The following TSPAN10 variants were observed in gnomAD, a reference collection of about 807,000 sequenced individuals.
TSPAN10 encodes tetraspanin 10, also known as tetraspanin-10.
Under a neutral mutation model 15.0 loss-of-function variants are expected in TSPAN10, and 11 were observed. The ratio of observed to expected loss-of-function variants is 0.73; its 90% CI spans 0.46 to 1.21. The LOEUF (loss-of-function observed/expected upper bound fraction) is 1.21, where lower values mean the gene tolerates loss of function less well. Among genes scored for constraint, TSPAN10 ranks in the 50% most tolerant of loss-of-function variants. The pLI is 0.00. For missense variants in TSPAN10, 486 were observed against 470.6 expected (o/e 1.03, Z -0.30); for synonymous variants, 241 against 226.2 (o/e 1.07, Z -0.59).
intron 2 of TSPAN10, chr17:81,647,432 C>G (rs942590272): frequency 2.4e-5 from 11 of 459,548 alleles, no homozygotes; most frequent in Non-Finnish European, 4.8e-5. Flanking sequence ...GCTCCTCCCC[C>G]ACCCCTGCTT....
intron 2 of TSPAN10, 109 bp downstream of exon 3, chr17:81,645,738 C>A: frequency 7.3e-7 from 1 of 1,377,854 alleles, no homozygotes; most frequent in Non-Finnish European, 1.0e-6. Context: ...TTCGTGCATG[C>A]CCACATGCAT....
chr17:81,637,462 T>A (rs1023781125), upstream of TSPAN10: 6 of 655,508 alleles, frequency 9.2e-6, no homozygotes, highest in East Asian at 2.8e-5. Context: ...TTTTTTTTTT[T>A]AAGTATTTTT....
intron 1 of TSPAN10, among the ~76,000 whole-genome samples, chr17:81,644,248 C>CT (rs1200253346): frequency 1.3e-5 from 2 of 152,156 alleles, no homozygotes; most frequent in Non-Finnish European, 2.9e-5. Context: ...ACCAGCAAGC[C>CT]TTTCCTGCCA....
At chr17:81,644,589 C>T (rs1026822177) in intron 1 of TSPAN10, among the ~76,000 whole-genome samples, 8 of 152,162 alleles carry the variant, frequency 5.3e-5, no homozygotes, top group Non-Finnish European at 8.8e-5. Context: ...ACTCTGGGGA[C>T]GCAGCCCCGC....
chr17:81,638,593 C>T (rs932550586), upstream of TSPAN10: 3 of 152,214 alleles, frequency 2.0e-5, no homozygotes, highest in African/African-American at 7.2e-5. Flanking sequence ...GCCACCGTGC[C>T]CGGCTGGGGA....
At chr17:81,638,781 A>T (rs2036147217), upstream of TSPAN10, 1 of 152,180 alleles carries the variant, frequency 6.6e-6, no homozygotes, top group African/African-American at 2.4e-5. Flanking sequence ...CAGCTGATCC[A>T]TGGAGTGCAG....
At chr17:81,640,608 C>T (rs1324731737), upstream of TSPAN10, among the ~76,000 whole-genome samples, 1 of 151,988 alleles carries the variant, frequency 6.6e-6, no homozygotes, top group Non-Finnish European at 1.5e-5. Flanking sequence ...GCCACGATGC[C>T]CAGCTAATTT....
exon 3 of TSPAN10, chr17:81,647,997 G>A: frequency 6.2e-7 from 1 of 1,610,956 alleles, no homozygotes; most frequent in Non-Finnish European, 8.5e-7. Flanking sequence ...TCAACGACCA[G>A]TGCGGCTTCG....
At chr17:81,641,802 C>T (rs1196630503), upstream of TSPAN10, among the ~76,000 whole-genome samples, 6 of 109,858 alleles carry the variant, frequency 5.5e-5, no homozygotes, top group Non-Finnish European at 1.0e-4. Flanking sequence ...TCTGTAGTCC[C>T]GGGAGGCGAG....
chr17:81,644,677 G>A (rs7406678), intron 1 of TSPAN10, among the ~76,000 whole-genome samples: 76,596 of 152,082 alleles, frequency 0.5, 21,177 homozygotes, highest in East Asian at 0.99. Flanking sequence ...AGGAGGGAGT[G>A]GGTGTGTTCA....
rs377199393 is a variant in TSPAN10 at position 81,645,017 on chromosome 17, C to T, written c.62C>T (p.Ser21Phe). The change falls in exon 2 of 3, where the codon TCT becomes TTT. Residue 21 changes from serine (S) to phenylalanine (F), a missense_variant. By Grantham distance (155) the Ser-to-Phe change is radical (BLOSUM62 -2). Coordinates refer to ENST00000611590, the Ensembl canonical transcript of TSPAN10. ...GAAACTGCAGGCCAGAAGCCCCTCT[C>T]TGTGCACAGGCCACCCACCTCAGGC... The T allele has an allele frequency of 4.3e-6, 7 of 1,610,880 alleles. No homozygotes were observed. In the South Asian group the frequency reaches 5.5e-5, roughly 13 times the overall value.
At chr17:81,642,958 C>T (rs543679706) in intron 1 of TSPAN10, among the ~76,000 whole-genome samples, 1 of 150,712 alleles carries the variant, frequency 6.6e-6, no homozygotes, top group African/African-American at 2.4e-5. Flanking sequence ...TCAAGACCAG[C>T]CTGGGCAATG....
downstream of TSPAN10, chr17:81,648,465 T>A: frequency 1.6e-6 from 1 of 622,780 alleles, no homozygotes; most frequent in Non-Finnish European, 2.2e-6. Flanking sequence ...GCGTCCCCCA[T>A]GCCAGCCCCC....
chr17:81,638,541 GC>G (rs538143384), upstream of TSPAN10: 68 of 152,324 alleles, frequency 4.5e-4, no homozygotes, highest in African/African-American at 1.6e-3. Flanking sequence ...CAGGTGATCC[GC>G]CCACCTGGGC....
intron 2 of TSPAN10, 184 bp downstream of exon 3, chr17:81,645,813 G>C: frequency 3.9e-6 from 3 of 778,070 alleles, no homozygotes; most frequent in Non-Finnish European, 6.4e-6. Context: ...CAGGTTTCAC[G>C]TGTGTGGACA....
chr17:81,644,290 C>T (rs1244639615), intron 1 of TSPAN10, among the ~76,000 whole-genome samples: 1 of 134,920 alleles, frequency 7.4e-6, no homozygotes, highest in Non-Finnish European at 1.6e-5. Flanking sequence ...GAAGGCCCTG[C>T]AGCCTCCAGG....
Position 81,644,960 on chromosome 17 carries a change from G to A in TSPAN10, c.37-32G>A, listed in dbSNP as rs183222871. 217 of 1,605,772 alleles carry A rather than the reference G, an allele frequency of 1.4e-4. No individual in the cohort carries two copies. In the African/African-American group the frequency reaches 2.6e-3, roughly 19 times the overall value. Reference sequence around the variant, plus strand: ...CAGTTGTCACAGAGTCTGGGTGAATGCGGTCTCACCCTGTTCCTCTTCCCT... The same window carrying A: ...CAGTTGTCACAGAGTCTGGGTGAATACGGTCTCACCCTGTTCCTCTTCCCT... On this transcript the variant is annotated intron_variant, in intron 1 of 2. Transcript: ENST00000611590.
upstream of TSPAN10, chr17:81,637,419 A>C: frequency 1.4e-6 from 1 of 699,034 alleles, no homozygotes; most frequent in Non-Finnish European, 2.6e-6. Context: ...AAGTAGAGAA[A>C]CAATTTCAGG....
intron 2 of TSPAN10, chr17:81,647,360 G>A (rs1037940735): frequency 6.6e-6 from 3 of 453,280 alleles, no homozygotes; most frequent in African/African-American, 2.0e-5. Context: ...GGATGCCTAG[G>A]GCACCTGGGG....
Sources: gnomAD v4.1 joint callset for allele counts (sites outside exome capture counted in the v4.1 genomes callset) on GRCh38, gnomAD v4.1.1 for gene constraint, MANE v1.5 for transcripts, NCBI Gene and HGNC (gene_info 2026-07-23, HGNC 2026-07-21) for gene names.